The following TYW1 variants were observed in gnomAD, a reference collection of about 807,000 sequenced individuals.
TYW1 encodes tRNA-yW synthesizing protein 1 homolog.
In TYW1, 46 loss-of-function variants were observed where a neutral mutation model predicts 96.2. The ratio of observed to expected loss-of-function variants is 0.48; its 90% CI spans 0.38 to 0.61. TYW1 has a LOEUF of 0.61. TYW1 is among the 20% of genes least tolerant of loss of function. The pLI is 0.00. For synonymous variants in TYW1, 274 were observed against 323.0 expected, an observed-to-expected ratio of 0.85 and a Z score of 1.63; for missense variants, 684 against 909.6, an observed-to-expected ratio of 0.75 and a Z score of 3.19.
intron 14 of TYW1, among the ~76,000 whole-genome samples, chr7:67,188,361 G>A (rs1000730774): frequency 6.6e-6 from 1 of 151,924 alleles, no homozygotes; most frequent in African/African-American, 2.4e-5. Context: ...ATAATAATAA[G>A]ACCTCTCCAT....
intron 7 of TYW1, among the ~76,000 whole-genome samples, chr7:67,044,946 TAAGAA>T (rs1045122203): frequency 1.3e-5 from 2 of 152,042 alleles, no homozygotes; most frequent in African/African-American, 2.4e-5. Flanking sequence ...TAGGAATTGA[TAAGAA>T]AAGGAATCAC....
intron 11 of TYW1, among the ~76,000 whole-genome samples, chr7:67,094,720 T>A (rs1352718868): frequency 1.5e-4 from 23 of 150,426 alleles, no homozygotes; most frequent in Non-Finnish European, 3.2e-4. Context: ...ATACCTTAAC[T>A]TAAACATACC....
intron 12 of TYW1, among the ~76,000 whole-genome samples, chr7:67,104,469 C>CA (rs1324916111): frequency 6.6e-6 from 1 of 152,188 alleles, no homozygotes; most frequent in Non-Finnish European, 1.5e-5. Flanking sequence ...ACGAGAACAG[C>CA]AAGGGGGACG....
chr7:67,071,451 CT>C (rs1286201367), intron 10 of TYW1, among the ~76,000 whole-genome samples: 59 of 139,180 alleles, frequency 4.2e-4, no homozygotes, highest in South Asian at 9.3e-4. Context: ...ATTTCTTTCG[CT>C]TTTTTTTTTT....
chr7:67,041,502 G>C (rs1025559314), intron 7 of TYW1, among the ~76,000 whole-genome samples: 2 of 152,154 alleles, frequency 1.3e-5, no homozygotes, highest in South Asian at 4.1e-4. Flanking sequence ...GCCTCGCCAT[G>C]TTGGCCAGGC....
At chr7:67,234,362 A>AG (rs1320978656) in intron 15 of TYW1, among the ~76,000 whole-genome samples, 1 of 150,902 alleles carries the variant, frequency 6.6e-6, no homozygotes. Context: ...AAAAAAAAAA[A>AG]AAAAGGAAGA....
At chr7:67,155,285 A>T (rs1798932109) in intron 13 of TYW1, among the ~76,000 whole-genome samples, 1 of 152,166 alleles carries the variant, frequency 6.6e-6, no homozygotes, top group Non-Finnish European at 1.5e-5. Context: ...ATGGAGACAG[A>T]TCCCTCAGGA....
At chr7:67,137,521 T>C (rs1798303396) in intron 13 of TYW1, among the ~76,000 whole-genome samples, 1 of 152,182 alleles carries the variant, frequency 6.6e-6, no homozygotes, top group African/African-American at 2.4e-5. Flanking sequence ...AGATTGTATT[T>C]GACAGCCTAC....
intron 14 of TYW1, among the ~76,000 whole-genome samples, chr7:67,189,634 A>T (rs190117673): frequency 6.6e-6 from 1 of 152,260 alleles, no homozygotes; most frequent in East Asian, 1.9e-4. Flanking sequence ...TTCTGTCAAT[A>T]TTAAAATTTG....
At chr7:67,169,267 A>T (rs1373815143) in intron 13 of TYW1, among the ~76,000 whole-genome samples, 1 of 152,214 alleles carries the variant, frequency 6.6e-6, no homozygotes. Flanking sequence ...TATATAATTT[A>T]GTGGCTTTTA....
Position 67,117,596 on chromosome 7 carries a change from G to A in TYW1, c.1676G>A (p.Ser559Asn). ...FKDFWQRFLDSLKALAVKQQR... is the reference protein window; with the variant it reads ...FKDFWQRFLDNLKALAVKQQR... ...GATTTCTGGCAGAGATTCCTTGACA[G>A]TTTAAAAGCCTTGGCAGTCAAGGTA... The change falls in exon 13 of 16, where the codon AGT becomes AAT. Residue 559 changes from serine (S) to asparagine (N), a missense_variant. Ser to Asn is a conservative substitution (Grantham distance 46, BLOSUM62 1). Transcript: ENST00000359626. 6.2e-7 allele frequency: 1 copy of A among 1,612,646 alleles called. No individual in the cohort carries two copies.
intron 5 of TYW1, among the ~76,000 whole-genome samples, chr7:67,016,772 C>T (rs1030859052): frequency 4.0e-5 from 6 of 151,896 alleles, no homozygotes; most frequent in South Asian, 2.1e-4. Flanking sequence ...GGACCACAGG[C>T]GCCCACCACA....
At chr7:67,059,245 G>T (rs1003319246) in intron 9 of TYW1, among the ~76,000 whole-genome samples, 7 of 150,934 alleles carry the variant, frequency 4.6e-5, no homozygotes, top group Non-Finnish European at 1.0e-4. Flanking sequence ...GACTGCAGGC[G>T]CCCGCCACCA....
At chr7:67,066,231 GA>G (rs2115665663) in intron 9 of TYW1, among the ~76,000 whole-genome samples, 1 of 152,234 alleles carries the variant, frequency 6.6e-6, no homozygotes, top group South Asian at 2.1e-4. Flanking sequence ...CTGTCCCACT[GA>G]TCTTAGGAGA....
At chr7:67,148,692 A>G (rs1798692007) in intron 13 of TYW1, among the ~76,000 whole-genome samples, 1 of 151,992 alleles carries the variant, frequency 6.6e-6, no homozygotes, top group African/African-American at 2.4e-5. Context: ...TGGCCTCCCA[A>G]AATGCTGGGA....
At chr7:67,025,316 A>G (rs1467977505) in intron 7 of TYW1, among the ~76,000 whole-genome samples, 2 of 152,226 alleles carry the variant, frequency 1.3e-5, no homozygotes, top group East Asian at 3.9e-4. Context: ...ACATTGGTAG[A>G]AAAAATGTCT....
intron 12 of TYW1, among the ~76,000 whole-genome samples, chr7:67,110,821 A>G (rs1403121619): frequency 6.6e-6 from 1 of 152,076 alleles, no homozygotes; most frequent in African/African-American, 2.4e-5. Context: ...CCTGGGCAAC[A>G]TAGTGAGACC....
intron 7 of TYW1, among the ~76,000 whole-genome samples, chr7:67,033,642 C>T (rs868380199): frequency 1.3e-5 from 2 of 152,198 alleles, no homozygotes; most frequent in Middle Eastern, 3.4e-3. Flanking sequence ...TCTTCAAAAA[C>T]CCTGTCCCAT....
chr7:67,139,796 C>T (rs1303131258), intron 13 of TYW1, among the ~76,000 whole-genome samples: 1 of 150,610 alleles, frequency 6.6e-6, no homozygotes, highest in Non-Finnish European at 1.5e-5. Context: ...TTCAGGTCCT[C>T]AAACTGTAAT....
Sources: allele counts gnomAD v4.1 joint callset (sites outside exome capture counted in the v4.1 genomes callset), GRCh38; gene constraint gnomAD v4.1.1; transcripts MANE v1.5; gene names NCBI Gene and HGNC (gene_info 2026-07-23, HGNC 2026-07-21).